Variants in GLIS3 observed in about 807,000 individuals in gnomAD.
GLIS3 encodes GLIS family zinc finger 3, also known as zinc finger protein GLIS3.
GLIS3 carries 53 observed loss-of-function variants against 78.6 expected under a neutral mutation model. That is an observed-to-expected ratio of 0.67 (90% CI 0.54 to 0.85). The LOEUF (loss-of-function observed/expected upper bound fraction) is 0.85, where lower values mean the gene tolerates loss of function less well. GLIS3 is among the 40% of genes least tolerant of loss of function. GLIS3 has a pLI of 0.00. For synonymous variants in GLIS3, 684 were observed against 509.9 expected, an observed-to-expected ratio of 1.34 and a Z score of -4.60; for missense variants, 1,703 against 1,231.1, an observed-to-expected ratio of 1.38 and a Z score of -5.74.
intron 2 of GLIS3, among the ~76,000 whole-genome samples, chr9:4,157,326 C>G (rs1206571168): frequency 6.6e-6 from 1 of 152,094 alleles, no homozygotes; most frequent in East Asian, 1.9e-4. Flanking sequence ...AACACCAAAG[C>G]AGGACTGATT....
intron 6 of GLIS3, chr9:3,901,181 C>T (rs985011699): frequency 6.3e-6 from 1 of 158,974 alleles, no homozygotes; most frequent in Non-Finnish European, 1.4e-5. Context: ...TCCCACCGCC[C>T]TTCGCTGACT....
intron 6 of GLIS3, among the ~76,000 whole-genome samples, chr9:3,902,275 C>T (rs983783904): frequency 4.6e-5 from 7 of 152,118 alleles, no homozygotes; most frequent in African/African-American, 1.4e-4. Flanking sequence ...TGCATAGAAA[C>T]GCAGTCATGA....
chr9:4,370,525 G>C, the GLIS3 span, among the ~76,000 whole-genome samples: 3 of 152,126 alleles, frequency 2.0e-5, no homozygotes, highest in African/African-American at 7.2e-5. Flanking sequence ...GACCTTTGAG[G>C]ATTTGGATTT....
At chr9:4,201,089 G>A (rs993641880) in intron 2 of GLIS3, among the ~76,000 whole-genome samples, 2 of 152,016 alleles carry the variant, frequency 1.3e-5, no homozygotes, top group Non-Finnish European at 2.9e-5. Context: ...AAAACCACTC[G>A]ATCATCTCAA....
chr9:4,186,546 T>C (rs1025901954), intron 2 of GLIS3, among the ~76,000 whole-genome samples: 3 of 151,650 alleles, frequency 2.0e-5, no homozygotes, highest in Admixed American at 1.3e-4. Context: ...ATGGTATTCC[T>C]AGTTCTAGAT....
Position 3,828,277 on chromosome 9 carries a change from C to T in GLIS3, c.2788G>A (p.Gly930Ser). Residue 930 changes from glycine to serine, a missense_variant, in exon 11 of 11, where the codon GGC becomes AGC. Coordinates refer to ENST00000381971, the MANE Select transcript of GLIS3 (RefSeq NM_001042413.2). The part of the protein sequence containing the change: ...PSQLSSVYTE[G>S] ...AGGAGTGGCCAAGAGAGCTTTTAGC[C>T]TTCGGTGTAGACAGAGGAGAGCTGG... is the stretch of plus-strand genomic sequence containing the variant. 4 of 1,614,106 alleles carry T rather than the reference C, an allele frequency of 2.5e-6. No individual in the cohort carries two copies. The highest frequency in any genetic ancestry group is 3.4e-6 in the Non-Finnish European group (4 of 1,180,024).
intron 2 of GLIS3, among the ~76,000 whole-genome samples, chr9:4,264,907 C>G (rs2130068054): frequency 6.6e-6 from 1 of 152,208 alleles, no homozygotes; most frequent in East Asian, 1.9e-4. Flanking sequence ...TGGCTCACGC[C>G]TGTAATCCCA....
At chr9:4,195,807 T>C (rs1404892344) in intron 2 of GLIS3, among the ~76,000 whole-genome samples, 1 of 152,232 alleles carries the variant, frequency 6.6e-6, no homozygotes, top group Admixed American at 6.5e-5. Context: ...CAACAGGCAC[T>C]CTGTGTCTAA....
rs189249838 is a variant in GLIS3, at chr9:4,327,936, G to C, written n.265-17408C>G. The stretch of plus-strand genomic sequence containing the variant: ...GTTAATTCTGCTGAAATTGCATCAA[G>C]AGCCTGGGCCTTCAGAAGGCTCTCG... On this transcript the variant is annotated intron_variant and non_coding_transcript_variant, in intron 2 of 4. Transcript: ENST00000471664. Among the ~76,000 whole-genome samples, 9 of 152,230 alleles carry C rather than the reference G, an allele frequency of 5.9e-5. No homozygotes were observed. In the East Asian group the frequency reaches 1.4e-3, roughly 23 times the overall value.
At chr9:4,173,557 T>G (rs1226107867) in intron 2 of GLIS3, among the ~76,000 whole-genome samples, 1 of 114,450 alleles carries the variant, frequency 8.7e-6, no homozygotes, top group Non-Finnish European at 1.7e-5. Context: ...TGTGTGTGTA[T>G]AGATACACAC....
chr9:4,125,993 G>C lies in GLIS3; in HGVS notation c.389-52C>G, dbSNP rs766103734. ...TTCATGTCCCTTACATCAGAAATCA[G>C]TAAATACAGACATGTGCACGCTTAT... On this transcript the variant is annotated intron_variant, in intron 2 of 10. Transcript: ENST00000381971. 4 of 1,364,800 alleles carry C rather than the reference G, an allele frequency of 2.9e-6. No individual in the cohort carries two copies. The South Asian group carries it at 4.7e-5, about 16-fold the overall frequency. The allele number at this position is 1,364,800 out of a possible 1,614,324, so 84.5% of individuals were successfully genotyped here. A position where few individuals can be genotyped will look rare whatever the true frequency, so the allele number is the denominator to read the frequency against.
At chr9:3,931,055 T>G (rs1825577591) in intron 6 of GLIS3, among the ~76,000 whole-genome samples, 5 of 152,140 alleles carry the variant, frequency 3.3e-5, no homozygotes, top group Non-Finnish European at 4.4e-5. Context: ...ATCTAGTGTC[T>G]GTCTAATGAT....
chr9:4,234,339 C>T (rs1173084675), intron 2 of GLIS3, among the ~76,000 whole-genome samples: 1 of 152,108 alleles, frequency 6.6e-6, no homozygotes, highest in Non-Finnish European at 1.5e-5. Flanking sequence ...TACTTAAAGG[C>T]CATTCTAGGG....
At chr9:4,150,213 C>G (rs754255729) in intron 2 of GLIS3, among the ~76,000 whole-genome samples, 4 of 152,122 alleles carry the variant, frequency 2.6e-5, no homozygotes, top group Non-Finnish European at 4.4e-5. Flanking sequence ...AAAAATAAAG[C>G]TGAAAGGGGG....
chr9:4,334,731 C>T (rs554832030), intron 2 of GLIS3, among the ~76,000 whole-genome samples: 42 of 152,254 alleles, frequency 2.8e-4, no homozygotes, highest in Non-Finnish European at 5.1e-4. Flanking sequence ...TCACAGCATT[C>T]ATTCTCACAC....
chr9:4,422,513 G>T, the GLIS3 span, among the ~76,000 whole-genome samples: 3 of 152,188 alleles, frequency 2.0e-5, no homozygotes, highest in Admixed American at 6.5e-5. Context: ...CCTGGATTCT[G>T]TTTCCCCTGG....
intron 2 of GLIS3, among the ~76,000 whole-genome samples, chr9:4,152,446 G>C (rs2131044517): frequency 6.6e-6 from 1 of 152,244 alleles, no homozygotes; most frequent in Non-Finnish European, 1.5e-5. Flanking sequence ...TTCATCCAAA[G>C]GCTATTGTTT....
At chr9:3,984,846 T>G (rs1397435630) in intron 4 of GLIS3, among the ~76,000 whole-genome samples, 1 of 152,134 alleles carries the variant, frequency 6.6e-6, no homozygotes, top group African/African-American at 2.4e-5. Context: ...TGCACTGTTC[T>G]CGTAATAGTG....
At chr9:4,054,966 G>A (rs2130506974) in intron 4 of GLIS3, among the ~76,000 whole-genome samples, 1 of 152,166 alleles carries the variant, frequency 6.6e-6, no homozygotes, top group East Asian at 1.9e-4. Context: ...GCCTTCCTGG[G>A]ATTTAACAAG....
Sources: allele counts gnomAD v4.1 joint callset (sites outside exome capture counted in the v4.1 genomes callset), GRCh38; gene constraint gnomAD v4.1.1; transcripts MANE v1.5; gene names NCBI Gene and HGNC (gene_info 2026-07-23, HGNC 2026-07-21).